The following RIPOR3 variants were observed in gnomAD, a reference collection of about 807,000 sequenced individuals.
RIPOR3 encodes the protein RIPOR family member 3, also known as family with sequence similarity 65 member C.
Under a neutral mutation model 114.3 loss-of-function variants are expected in RIPOR3, and 95 were observed. The ratio of observed to expected loss-of-function variants is 0.83; its 90% CI spans 0.70 to 0.99. The LOEUF is 0.99. RIPOR3 is among the 50% of genes least tolerant of loss of function. RIPOR3 has a pLI of 0.00. For missense variants in RIPOR3, 1,252 were observed against 1,266.9 expected, an observed-to-expected ratio of 0.99 and a Z score of 0.18; for synonymous variants, 575 against 543.8, an observed-to-expected ratio of 1.06 and a Z score of -0.80.
intron 15 of RIPOR3, 91 bp downstream of exon 15, chr20:50,596,049 C>A: frequency 6.4e-7 from 1 of 1,565,032 alleles, no homozygotes. Flanking sequence ...GTCACCCCTT[C>A]ATGCTTCCCA....
chr20:50,640,638 C>T (rs866264184), intron 1 of RIPOR3, among the ~76,000 whole-genome samples: 20 of 149,064 alleles, frequency 1.3e-4, no homozygotes, highest in Admixed American at 1.2e-3. Context: ...TGCCCCCCTC[C>T]GCAGGGCTGG....
chr20:50,644,455 T>C (rs983403293), intron 1 of RIPOR3, among the ~76,000 whole-genome samples: 1 of 152,170 alleles, frequency 6.6e-6, no homozygotes, highest in Non-Finnish European at 1.5e-5. Flanking sequence ...GAAATACTTT[T>C]TATAACCTGG....
intron 1 of RIPOR3, among the ~76,000 whole-genome samples, chr20:50,690,766 C>A (rs1162178954): frequency 6.6e-6 from 1 of 152,146 alleles, no homozygotes; most frequent in East Asian, 1.9e-4. Flanking sequence ...ACTTACCCTG[C>A]AGGGGGCTTA....
At chr20:50,595,068 G>A (rs879308880) in intron 16 of RIPOR3, 32 of 493,012 alleles carry the variant, frequency 6.5e-5, no homozygotes, top group Admixed American at 5.2e-4. Context: ...GTGGCCTGGG[G>A]TTACCTCACT....
At chr20:50,665,438 TG>T (rs1386548237) in intron 1 of RIPOR3, among the ~76,000 whole-genome samples, 1 of 148,266 alleles carries the variant, frequency 6.7e-6, no homozygotes, top group African/African-American at 2.5e-5. Context: ...TTTTTTTTTT[TG>T]AGATGGAGTC....
At chr20:50,670,952 G>C (rs1336859361) in intron 1 of RIPOR3, among the ~76,000 whole-genome samples, 1 of 152,032 alleles carries the variant, frequency 6.6e-6, no homozygotes, top group Non-Finnish European at 1.5e-5. Flanking sequence ...TTTTGAGACA[G>C]AGTCTTGCCC....
In RIPOR3 at chr20:50,596,250, G is replaced by C; in HGVS notation, c.1804C>G (p.Leu602Val). Reference protein sequence around the residue: ...GSQGLRKDRPLPPPSSLKASS... With the variant: ...GSQGLRKDRPVPPPSSLKASS... ...GCTTTCAGTGATGACGGTGGGGGCA[G>C]GGGCCGGTCCTTTCTGAGTTGAATT... The change falls in exon 15 of 22, where the codon CTG (leucine) becomes GTG (valine). Residue 602 changes from leucine (L) to valine (V), a missense_variant. By Grantham distance (32) the Leu-to-Val change is conservative. Transcript: ENST00000327979. 1.2e-6 allele frequency: 2 copies of C among 1,614,208 alleles called. No individual in the cohort carries two copies. Among genetic ancestry groups the C allele is most frequent in the Non-Finnish European group, 1.7e-6 (2 of 1,180,048 alleles).
At chr20:50,587,353 G>A (rs772931678) in intron 21 of RIPOR3, 21 bp from the exon 22 acceptor site, 2 of 1,606,912 alleles carry the variant, frequency 1.2e-6, no homozygotes, top group Admixed American at 3.3e-5. Context: ...AAAGGGACCT[G>A]TCAGCGGGTT....
chr20:50,596,002 A>G, intron 15 of RIPOR3, 138 bp downstream of exon 15: 1 of 1,251,780 alleles, frequency 8.0e-7, no homozygotes. Flanking sequence ...CCACTGGGGA[A>G]TAGCTTCAGT....
In RIPOR3 at chr20:50,691,114, C is replaced by T; in HGVS notation, c.3+12G>A. The T allele has an allele frequency of 7.8e-7, 1 of 1,289,522 alleles. No individual in the cohort carries two copies. The highest frequency in any genetic ancestry group is 1.0e-6 in the Non-Finnish European group (1 of 988,870). 79.9% of individuals were successfully genotyped at this position (1,289,522 alleles called of 1,614,324 possible). ...TCACGGCACACATGGGGAGCAGTCA[C>T]TTCACACTCACCATCGAGCAGGTCT... On this transcript the variant is annotated intron_variant, in intron 1 of 21. Transcript: ENST00000327979.
intron 1 of RIPOR3, among the ~76,000 whole-genome samples, chr20:50,641,548 T>C (rs893505355): frequency 2.6e-5 from 4 of 152,148 alleles, no homozygotes; most frequent in Non-Finnish European, 5.9e-5. Flanking sequence ...CACCTGGTCC[T>C]ATTTCTTATT....
chr20:50,587,477 C>G (rs2082957071), intron 21 of RIPOR3, 145 bp from the exon 22 acceptor site: 1 of 684,654 alleles, frequency 1.5e-6, no homozygotes, highest in African/African-American at 1.8e-5. Context: ...GTGCGGGAGC[C>G]CCCACCTGGT....
chr20:50,593,753 G>T (rs1430181027), intron 17 of RIPOR3, among the ~76,000 whole-genome samples: 1 of 152,118 alleles, frequency 6.6e-6, no homozygotes, highest in Non-Finnish European at 1.5e-5. Flanking sequence ...CAAAATCCCG[G>T]AGGCAGGGCC....
intron 1 of RIPOR3, among the ~76,000 whole-genome samples, chr20:50,646,582 C>T (rs1402547169): frequency 6.6e-6 from 1 of 152,194 alleles, no homozygotes; most frequent in Non-Finnish European, 1.5e-5. Flanking sequence ...AAGCAGACCC[C>T]CTCCTGGTCT....
At chr20:50,609,203 C>T (rs1379105670) in intron 8 of RIPOR3, 90 bp downstream of exon 8, 3 of 1,501,180 alleles carry the variant, frequency 2.0e-6, no homozygotes, top group African/African-American at 2.8e-5. Context: ...GGGCTCAGAC[C>T]CCTGGGATTC....
rs141700188 is a variant in RIPOR3, at chr20:50,657,049, C to T, written c.4-26193G>A. Among the ~76,000 whole-genome samples the T allele has an allele frequency of 2.8e-3, 426 of 152,326 alleles. 4 individuals carry two copies. Among genetic ancestry groups the T allele is most frequent in the Middle Eastern group, 0.01 (3 of 294 alleles). On this transcript the variant is annotated intron_variant, in intron 1 of 21. Transcript: ENST00000327979. Reference sequence around the variant, plus strand: ...AAGAGCCTTGATATACCATACTTAGCACTGCAAGTTGCTTTCGAGAAAGAT... The same window carrying T: ...AAGAGCCTTGATATACCATACTTAGTACTGCAAGTTGCTTTCGAGAAAGAT...
Position 50,597,514 on chromosome 20 carries a change from G to A in RIPOR3, c.1790+66C>T, listed in dbSNP as rs564611341. On this transcript the variant is annotated intron_variant, in intron 14 of 21. Transcript: ENST00000327979. ...ACAGACGGGGAGGCTGGCAGGAAAC[G>A]TGGAGCTCGGGTCACCCGGTGGGAG... The A allele has an allele frequency of 2.0e-4, 306 of 1,549,424 alleles. 3 individuals carry two copies. In the South Asian group the frequency reaches 3.2e-3, roughly 16 times the overall value.
At chr20:50,655,415 A>C (rs1248686107) in intron 1 of RIPOR3, among the ~76,000 whole-genome samples, 2 of 152,224 alleles carry the variant, frequency 1.3e-5, no homozygotes, top group Non-Finnish European at 2.9e-5. Flanking sequence ...GCAGCCAGAC[A>C]CACGGGCTCA....
chr20:50,630,650 G>T, intron 2 of RIPOR3, 88 bp downstream of exon 2: 1 of 1,149,602 alleles, frequency 8.7e-7, no homozygotes, highest in Non-Finnish European at 1.2e-6. Context: ...CGGGTCTCTG[G>T]CAGCAGGAGG....
Sources: allele counts gnomAD v4.1 joint callset (sites outside exome capture counted in the v4.1 genomes callset), GRCh38; gene constraint gnomAD v4.1.1; transcripts MANE v1.5; gene names NCBI Gene and HGNC (gene_info 2026-07-23, HGNC 2026-07-21).